Variants in KDM3A observed in about 807,000 individuals in gnomAD.
KDM3A encodes the protein lysine-specific demethylase 3A.
Under a neutral mutation model 158.0 loss-of-function variants are expected in KDM3A, and 60 were observed. The ratio of observed to expected loss-of-function variants is 0.38; its 90% CI spans 0.31 to 0.47. The LOEUF is 0.47. Among genes scored for constraint, KDM3A ranks in the 20% least tolerant of loss-of-function variants. The pLI is 0.99. For missense variants in KDM3A, 1,319 were observed against 1,574.3 expected (o/e 0.84, Z 2.74); for synonymous variants, 608 against 549.3 (o/e 1.11, Z -1.49).
chr2:86,486,968 C>T (rs2104710186), intron 21 of KDM3A: 1 of 152,510 alleles, frequency 6.6e-6, no homozygotes, highest in East Asian at 1.9e-4. Context: ...TTCCTCACTT[C>T]TCAGGTCTCT....
rs780870828 is a variant in KDM3A, at chr2:86,482,670, T to C, written c.2898T>C (p.Phe966=). ...ACAATAAGAGCAACTGGAATGTGTT[T>C]AGGGAGTGCTGGAAACAAGGGCAGG... ...DPNNKSNWNV[F]RECWKQGQPV... is the part of the protein sequence containing the mutation. Residue 966 remains phenylalanine, a synonymous_variant, in exon 18 of 26, where the codon TTT becomes TTC. Coordinates refer to ENST00000312912, the MANE Select transcript of KDM3A (RefSeq NM_018433.6). 1 of 1,614,070 alleles carries C rather than the reference T, an allele frequency of 6.2e-7. No individual in the cohort carries two copies. Among genetic ancestry groups the C allele is most frequent in the South Asian group, 1.1e-5 (1 of 91,080 alleles).
At chr2:86,441,643 C>T (rs1190575799) in intron 1 of KDM3A, among the ~76,000 whole-genome samples, 199 bp downstream of exon 1, 2 of 150,824 alleles carry the variant, frequency 1.3e-5, no homozygotes, top group Non-Finnish European at 3.0e-5. Context: ...CCCGTGGGGC[C>T]GCCCGGGGCG....
intron 8 of KDM3A, among the ~76,000 whole-genome samples, chr2:86,459,327 A>G (rs768984013): frequency 6.6e-5 from 10 of 152,218 alleles, no homozygotes; most frequent in Non-Finnish European, 1.3e-4. Context: ...AGAGATAAAC[A>G]GGATATAATA....
intron 19 of KDM3A, 113 bp downstream of exon 19, chr2:86,484,271 G>T: frequency 1.1e-6 from 1 of 910,030 alleles, no homozygotes; most frequent in Admixed American, 2.5e-5. Context: ...GGATTTTGGA[G>T]TTTAAAATTA....
chr2:86,474,675 AAAAGT>A lies in KDM3A; in HGVS notation c.1725-98_1725-94del. 4 of 739,734 alleles carry A rather than the reference AAAAGT, an allele frequency of 5.4e-6. No individual in the cohort carries two copies. In the East Asian group the frequency reaches 1.2e-4, roughly 23 times the overall value. 45.8% of individuals were successfully genotyped at this position (739,734 alleles called of 1,614,324 possible). On this transcript the variant is annotated intron_variant, in intron 11 of 25. Coordinates refer to ENST00000312912, the MANE Select transcript of KDM3A (RefSeq NM_018433.6). ...CGAGACTCCATCCCAAAAAAAAAAAAAAAGTAATTACAAGTTGTAAATAAGTTGTG... is the reference window on the plus strand; with the variant it reads ...CGAGACTCCATCCCAAAAAAAAAAAAAATTACAAGTTGTAAATAAGTTGTG...
chr2:86,489,809 T>C, intron 23 of KDM3A, 150 bp downstream of exon 23: 1 of 740,400 alleles, frequency 1.4e-6, no homozygotes, highest in Non-Finnish European at 2.1e-6. Context: ...CTGAAGGTGG[T>C]TGCTAAGGAA....
chr2:86,467,632 A>C (rs1412860372), intron 10 of KDM3A, among the ~76,000 whole-genome samples: 4 of 152,232 alleles, frequency 2.6e-5, no homozygotes, highest in Admixed American at 2.6e-4. Flanking sequence ...TTAGAAGAAC[A>C]AAATGTTTTC....
At chr2:86,472,329 A>T (rs549196707) in intron 11 of KDM3A, among the ~76,000 whole-genome samples, 2 of 152,272 alleles carry the variant, frequency 1.3e-5, no homozygotes, top group African/African-American at 4.8e-5. Flanking sequence ...ATATCTTGGT[A>T]AAAGAATATC....
chr2:86,465,938 C>CAAAA (rs10541366), intron 9 of KDM3A, among the ~76,000 whole-genome samples: 1 of 118,044 alleles, frequency 8.5e-6, no homozygotes, highest in Non-Finnish European at 1.8e-5. Flanking sequence ...AATTTACACA[C>CAAAA]AAAAAAAAAA....
At chr2:86,468,734 C>T (rs899365036) in intron 10 of KDM3A, among the ~76,000 whole-genome samples, 3 of 152,070 alleles carry the variant, frequency 2.0e-5, no homozygotes, top group African/African-American at 4.8e-5. Context: ...GTCTAGAAAA[C>T]AAAAGCAAAC....
intron 2 of KDM3A, among the ~76,000 whole-genome samples, chr2:86,444,902 G>A (rs1201211416): frequency 1.3e-5 from 2 of 152,082 alleles, no homozygotes; most frequent in African/African-American, 4.8e-5. Context: ...GAGAAGTTAA[G>A]GTGAAGACAT....
At chr2:86,445,954 T>C (rs991383494) in intron 2 of KDM3A, among the ~76,000 whole-genome samples, 3 of 152,212 alleles carry the variant, frequency 2.0e-5, no homozygotes, top group Non-Finnish European at 4.4e-5. Context: ...CTAAAAACCA[T>C]ATCATTCTGT....
chr2:86,481,329 A>T (rs973851476), intron 16 of KDM3A, among the ~76,000 whole-genome samples: 5 of 152,084 alleles, frequency 3.3e-5, no homozygotes, highest in Non-Finnish European at 5.9e-5. Context: ...TCACTGCAAC[A>T]CTGCACTCTG....
intron 3 of KDM3A, among the ~76,000 whole-genome samples, 199 bp from the exon 4 acceptor site, chr2:86,450,904 C>CT (rs552842449): frequency 6.0e-4 from 92 of 152,166 alleles, no homozygotes; most frequent in African/African-American, 1.9e-3. Flanking sequence ...TCCCAAATGT[C>CT]TATCTGGTTT....
At chr2:86,465,963 A>G (rs1176844208) in intron 9 of KDM3A, among the ~76,000 whole-genome samples, 2 of 151,224 alleles carry the variant, frequency 1.3e-5, no homozygotes, top group Non-Finnish European at 2.9e-5. Context: ...AAAAAGAAGA[A>G]AGAAAACTTT....
intron 2 of KDM3A, among the ~76,000 whole-genome samples, chr2:86,446,241 A>G (rs1022858112): frequency 6.6e-6 from 1 of 152,228 alleles, no homozygotes. Flanking sequence ...TCACAATTAT[A>G]GGTAGTGAAT....
intron 15 of KDM3A, 70 bp from the exon 16 acceptor site, chr2:86,480,097 G>T: frequency 8.2e-7 from 1 of 1,215,936 alleles, no homozygotes; most frequent in Non-Finnish European, 1.2e-6. Context: ...CGGCTATTAG[G>T]AGAGAAGAAA....
At position 86,489,302 on chromosome 2, in the gene KDM3A, C is replaced by G; in HGVS notation, c.3314-16C>G. 1 of 1,609,788 alleles carries G rather than the reference C, an allele frequency of 6.2e-7. No homozygotes were observed. Among genetic ancestry groups the G allele is most frequent in the Non-Finnish European group, 8.5e-7 (1 of 1,178,062 alleles). On this transcript the variant is annotated splice_polypyrimidine_tract_variant and intron_variant, in intron 21 of 25. Coordinates refer to ENST00000312912, the MANE Select transcript of KDM3A (RefSeq NM_018433.6). ...TTGTTGTCTTTTGTAAAACTTAAGGCACTTTGTTTTTGCAGGATTAATCAC... is the reference window on the plus strand; with the variant it reads ...TTGTTGTCTTTTGTAAAACTTAAGGGACTTTGTTTTTGCAGGATTAATCAC...
At chr2:86,440,378 C>A (rs575563188), upstream of KDM3A, among the ~76,000 whole-genome samples, 26 of 152,310 alleles carry the variant, frequency 1.7e-4, no homozygotes, top group Non-Finnish European at 2.8e-4. Flanking sequence ...CAAACACTAG[C>A]CTTTATGAAC....
Sources: allele counts gnomAD v4.1 joint callset (sites outside exome capture counted in the v4.1 genomes callset), GRCh38; gene constraint gnomAD v4.1.1; transcripts MANE v1.5; gene names NCBI Gene and HGNC (gene_info 2026-07-23, HGNC 2026-07-21).